Variants in PPARGC1A observed in about 807,000 individuals in gnomAD.
PPARGC1A encodes peroxisome proliferator-activated receptor gamma coactivator 1-alpha.
In PPARGC1A, 25 loss-of-function variants were observed where a neutral mutation model predicts 88.7. The ratio of observed to expected loss-of-function variants is 0.28; its 90% confidence interval spans 0.21 to 0.39. PPARGC1A has a LOEUF of 0.39. PPARGC1A is among the 10% of genes least tolerant of loss of function. The pLI, the probability that PPARGC1A is intolerant of heterozygous loss-of-function variation, is 1.00. For synonymous variants in PPARGC1A, 363 were observed against 355.6 expected (o/e 1.02, Z -0.24); for missense variants, 880 against 968.7 (o/e 0.91, Z 1.22).
At chr4:24,364,132 C>A in the PPARGC1A span, among the ~76,000 whole-genome samples, 1 of 152,132 alleles carries the variant, frequency 6.6e-6, no homozygotes, top group Non-Finnish European at 1.5e-5. Flanking sequence ...AGCAACTATC[C>A]ACTGTGGATG....
the PPARGC1A span, among the ~76,000 whole-genome samples, chr4:24,366,410 G>T: frequency 1.3e-5 from 2 of 152,142 alleles, no homozygotes; most frequent in Non-Finnish European, 2.9e-5. Context: ...GGAAAGAATT[G>T]ATTGGTGACT....
At chr4:24,202,272 C>T in the PPARGC1A span, among the ~76,000 whole-genome samples, 7 of 152,146 alleles carry the variant, frequency 4.6e-5, no homozygotes, top group East Asian at 1.9e-4. Context: ...TTCATTTTCC[C>T]GTGAAGCTCA....
chr4:24,207,132 C>G, the PPARGC1A span, among the ~76,000 whole-genome samples: 1 of 151,978 alleles, frequency 6.6e-6, no homozygotes, highest in East Asian at 1.9e-4. Context: ...TAAAATCAGT[C>G]TTTGAGTGAT....
intron 2 of PPARGC1A, among the ~76,000 whole-genome samples, chr4:23,851,432 A>G (rs979290874): frequency 6.6e-6 from 1 of 152,222 alleles, no homozygotes; most frequent in Non-Finnish European, 1.5e-5. Context: ...TTGAAACCAC[A>G]GAATCTTAGG....
the PPARGC1A span, among the ~76,000 whole-genome samples, chr4:24,087,925 C>G: frequency 5.9e-5 from 9 of 152,116 alleles, no homozygotes; most frequent in Admixed American, 5.9e-4. Flanking sequence ...AGTGAGTGAG[C>G]AAGGCATTTT....
chr4:24,302,445 G>T, the PPARGC1A span, among the ~76,000 whole-genome samples: 1 of 152,184 alleles, frequency 6.6e-6, no homozygotes, highest in Non-Finnish European at 1.5e-5. Flanking sequence ...CCTCGCCCCT[G>T]CCCCGCAGGC....
chr4:24,208,279 A>G, the PPARGC1A span, among the ~76,000 whole-genome samples: 12 of 151,932 alleles, frequency 7.9e-5, no homozygotes, highest in African/African-American at 2.9e-4. Flanking sequence ...ACCCTGTCTC[A>G]AAAAAAGGGA....
At chr4:24,347,659 G>T in the PPARGC1A span, among the ~76,000 whole-genome samples, 2 of 152,026 alleles carry the variant, frequency 1.3e-5, no homozygotes, top group African/African-American at 2.4e-5. Flanking sequence ...TATGTGTTAG[G>T]TGATTCTCCT....
the PPARGC1A span, among the ~76,000 whole-genome samples, chr4:24,381,810 T>C: frequency 4.6e-5 from 7 of 152,376 alleles, no homozygotes; most frequent in East Asian, 1.3e-3. Context: ...CATCATTAGG[T>C]AGACCTGAGG....
At chr4:24,419,265 C>G in the PPARGC1A span, among the ~76,000 whole-genome samples, 2 of 151,454 alleles carry the variant, frequency 1.3e-5, no homozygotes, top group African/African-American at 2.4e-5. Flanking sequence ...TCAGTTGGAA[C>G]AGACCATTCT....
At chr4:24,177,169 T>TA in the PPARGC1A span, among the ~76,000 whole-genome samples, 1 of 152,118 alleles carries the variant, frequency 6.6e-6, no homozygotes, top group Admixed American at 6.5e-5. Context: ...CATGCACACA[T>TA]ATGTTTATTG....
chr4:24,072,457 G>A, the PPARGC1A span, among the ~76,000 whole-genome samples: 1 of 151,900 alleles, frequency 6.6e-6, no homozygotes, highest in African/African-American at 2.4e-5. Flanking sequence ...TTCTATTTCT[G>A]CCTCCTCTCG....
intron 2 of PPARGC1A, among the ~76,000 whole-genome samples, chr4:23,878,052 T>G (rs1715159250): frequency 6.6e-6 from 1 of 152,222 alleles, no homozygotes; most frequent in Non-Finnish European, 1.5e-5. Context: ...TTTTCCTGAT[T>G]CTGCTCCAAG....
the PPARGC1A span, among the ~76,000 whole-genome samples, chr4:24,074,290 T>C: frequency 2.0e-5 from 3 of 152,108 alleles, no homozygotes; most frequent in Non-Finnish European, 2.9e-5. Context: ...ATGGGAATAA[T>C]TGTAAATTCC....
chr4:23,992,274 TTAC>T, the PPARGC1A span, among the ~76,000 whole-genome samples: 1 of 29,002 alleles, frequency 3.4e-5, no homozygotes, highest in African/African-American at 2.1e-4. Context: ...GATAATATTA[TTAC>T]TAGTCTATAC....
chr4:24,230,534 C>T, the PPARGC1A span, among the ~76,000 whole-genome samples: 1 of 152,204 alleles, frequency 6.6e-6, no homozygotes, highest in Non-Finnish European at 1.5e-5. Flanking sequence ...CCCAAATCCA[C>T]ATCTGGTACC....
the PPARGC1A span, among the ~76,000 whole-genome samples, chr4:24,231,235 G>A: frequency 6.6e-6 from 1 of 152,134 alleles, no homozygotes; most frequent in African/African-American, 2.4e-5. Context: ...CCTCTCTACA[G>A]CTATGGACTA....
At chr4:24,262,978 C>T in the PPARGC1A span, among the ~76,000 whole-genome samples, 1 of 152,160 alleles carries the variant, frequency 6.6e-6, no homozygotes, top group Non-Finnish European at 1.5e-5. Flanking sequence ...ACTGGAATAG[C>T]TGAGATTTGG....
the PPARGC1A span, among the ~76,000 whole-genome samples, chr4:24,245,848 C>T: frequency 6.8e-6 from 1 of 146,356 alleles, no homozygotes; most frequent in South Asian, 2.3e-4. Flanking sequence ...ATAAATAGTG[C>T]TTAATTAAAT....
Sources: gnomAD v4.1 joint callset for allele counts (sites outside exome capture counted in the v4.1 genomes callset) on GRCh38, gnomAD v4.1.1 for gene constraint, MANE v1.5 for transcripts, NCBI Gene and HGNC (gene_info 2026-07-23, HGNC 2026-07-21) for gene names.